HIVEP1: variants seen among roughly 807,000 people sequenced by gnomAD.
HIVEP1 encodes the protein zinc finger protein 40.
HIVEP1 carries 36 observed loss-of-function variants against 180.0 expected under a neutral mutation model. The ratio of observed to expected loss-of-function variants is 0.20; its 90% CI spans 0.15 to 0.26. HIVEP1 has a LOEUF of 0.26. HIVEP1 is among the 10% of genes least tolerant of loss of function. HIVEP1 has a pLI of 1.00. For synonymous variants in HIVEP1, 1,239 were observed against 1,239.0 expected (o/e 1.00, Z 0.00); for missense variants, 3,143 against 3,268.7 (o/e 0.96, Z 0.94).
chr6:12,129,497 G>T, intron 4 of HIVEP1: 1 of 550,290 alleles, frequency 1.8e-6, no homozygotes, highest in South Asian at 1.6e-5. Context: ...CCATGGTATA[G>T]GAGGTTGTAA....
chr6:12,201,519 T>C, the HIVEP1 span, among the ~76,000 whole-genome samples: 90 of 138,428 alleles, frequency 6.5e-4, no homozygotes, highest in African/African-American at 2.2e-3. Flanking sequence ...CAAAACATTT[T>C]TTTGAACATG....
chr6:12,037,778 G>A, intron 2 of HIVEP1: 1 of 455,826 alleles, frequency 2.2e-6, no homozygotes, highest in Non-Finnish European at 3.9e-6. Context: ...GTAGCTCACT[G>A]CAACCCCAAA....
At chr6:12,211,720 G>A in the HIVEP1 span, among the ~76,000 whole-genome samples, 1 of 151,566 alleles carries the variant, frequency 6.6e-6, no homozygotes, top group South Asian at 2.1e-4. Flanking sequence ...TCTCCCCAAG[G>A]AAAAAAAATT....
At chr6:12,142,445 A>T (rs1026971740) in intron 7 of HIVEP1, among the ~76,000 whole-genome samples, 3 of 152,310 alleles carry the variant, frequency 2.0e-5, no homozygotes, top group Admixed American at 6.5e-5. Context: ...AAGATGTAAA[A>T]TCAACACCTA....
intron 2 of HIVEP1, among the ~76,000 whole-genome samples, chr6:12,079,979 T>TCTATCTATCTA (rs74285815): frequency 2.6e-5 from 4 of 151,600 alleles, no homozygotes; most frequent in Non-Finnish European, 5.9e-5. Flanking sequence ...TATCTATCTA[T>TCTATCTATCTA]ATCTGGTCTT....
chr6:12,155,966 T>G (rs1760013635), intron 7 of HIVEP1, among the ~76,000 whole-genome samples: 1 of 152,250 alleles, frequency 6.6e-6, no homozygotes, highest in African/African-American at 2.4e-5. Context: ...TGAGATGGTA[T>G]CTCATTGTGG....
chr6:12,186,050 A>G, the HIVEP1 span, among the ~76,000 whole-genome samples: 2 of 152,202 alleles, frequency 1.3e-5, no homozygotes, highest in African/African-American at 4.8e-5. Flanking sequence ...AATGTTCATC[A>G]ACTAGTGATC....
At chr6:12,198,648 T>G in the HIVEP1 span, among the ~76,000 whole-genome samples, 1 of 152,052 alleles carries the variant, frequency 6.6e-6, no homozygotes, top group Non-Finnish European at 1.5e-5. Flanking sequence ...ATAATAAGGA[T>G]GAGAGTGCTG....
the HIVEP1 span, among the ~76,000 whole-genome samples, chr6:12,184,407 A>T: frequency 6.6e-6 from 1 of 152,196 alleles, no homozygotes; most frequent in Admixed American, 6.6e-5. Flanking sequence ...GTATCATCAC[A>T]CTAAACACAG....
In HIVEP1 at chr6:12,051,001, C is replaced by CATATATATATATATATATAT. The variant is rs1161977899; in HGVS notation, c.40+35344_40+35363dup. On this transcript the variant is annotated intron_variant, in intron 2 of 8. Coordinates refer to ENST00000379388, the MANE Select transcript of HIVEP1 (RefSeq NM_002114.4). ...CATGTGTGTAGCAGATACACAAGTG[C>CATATATATATATATATATAT]ATATATATATATATATATATATATA... Among the ~76,000 whole-genome samples, 249 of 77,574 alleles carry CATATATATATATATATATAT rather than the reference C, an allele frequency of 3.2e-3. 4 individuals carry two copies. The highest frequency in any genetic ancestry group is 3.6e-3 in the Non-Finnish European group (139 of 38,982). The allele number at this position is 77,574 out of a possible 152,430, so 50.9% of individuals were successfully genotyped here.
chr6:12,017,101 T>C (rs1281907938), intron 2 of HIVEP1, among the ~76,000 whole-genome samples: 1 of 152,228 alleles, frequency 6.6e-6, no homozygotes, highest in African/African-American at 2.4e-5. Context: ...ATTTTTCATA[T>C]TTAAAATATA....
chr6:12,210,663 A>C, the HIVEP1 span, among the ~76,000 whole-genome samples: 1 of 152,194 alleles, frequency 6.6e-6, no homozygotes, highest in Non-Finnish European at 1.5e-5. Context: ...TGGGGACTGA[A>C]TTGAATAATT....
At chr6:12,058,395 C>T (rs1398755998) in intron 2 of HIVEP1, among the ~76,000 whole-genome samples, 1 of 152,104 alleles carries the variant, frequency 6.6e-6, no homozygotes, top group African/African-American at 2.4e-5. Flanking sequence ...CATTTTAGTT[C>T]CACTCCCAAG....
At chr6:12,044,706 C>T (rs889693615) in intron 2 of HIVEP1, among the ~76,000 whole-genome samples, 1 of 151,388 alleles carries the variant, frequency 6.6e-6, no homozygotes, top group Non-Finnish European at 1.5e-5. Context: ...GCTTTCTGTC[C>T]CCCATTCAAA....
intron 3 of HIVEP1, among the ~76,000 whole-genome samples, chr6:12,112,586 G>A (rs1416410666): frequency 6.6e-6 from 1 of 151,878 alleles, no homozygotes; most frequent in African/African-American, 2.4e-5. Context: ...TGTGCTTATG[G>A]CGGGGACTGG....
chr6:12,014,996 A>G (rs975995736), intron 1 of HIVEP1, among the ~76,000 whole-genome samples: 4 of 152,228 alleles, frequency 2.6e-5, no homozygotes, highest in African/African-American at 9.6e-5. Flanking sequence ...CCAGCCTGGA[A>G]GTGAAGTCTC....
At chr6:12,086,322 T>C (rs143915023) in intron 2 of HIVEP1, among the ~76,000 whole-genome samples, 336 of 152,262 alleles carry the variant, frequency 2.2e-3, no homozygotes, top group African/African-American at 7.7e-3. Flanking sequence ...AAGAACTCAT[T>C]ATAGTAAGAA....
chr6:12,113,997 C>T (rs1237284729), intron 3 of HIVEP1, among the ~76,000 whole-genome samples: 1 of 151,944 alleles, frequency 6.6e-6, no homozygotes, highest in Non-Finnish European at 1.5e-5. Flanking sequence ...TGTCTTGTAT[C>T]TTTATTCTGG....
intron 3 of HIVEP1, among the ~76,000 whole-genome samples, chr6:12,092,373 C>A (rs1212903661): frequency 6.6e-6 from 1 of 152,168 alleles, no homozygotes; most frequent in African/African-American, 2.4e-5. Context: ...TCCTAAGATT[C>A]ACCCATGCCG....
Sources: gnomAD v4.1 joint callset for allele counts (sites outside exome capture counted in the v4.1 genomes callset) on GRCh38, gnomAD v4.1.1 for gene constraint, MANE v1.5 for transcripts, NCBI Gene and HGNC (gene_info 2026-07-23, HGNC 2026-07-21) for gene names.